The following SEC24D variants were observed in gnomAD, a reference collection of about 807,000 sequenced individuals.
SEC24D encodes protein transport protein Sec24D.
A neutral mutation model predicts 116.9 loss-of-function variants in SEC24D; 69 were observed. The observed-to-expected ratio is 0.59, with a 90% confidence interval of 0.49 to 0.72. SEC24D has a LOEUF of 0.72. SEC24D is among the 30% of genes least tolerant of loss of function. The probability of loss-of-function intolerance (pLI) is 0.00; values close to 1 mark genes in which losing one functional copy is unlikely to be tolerated. For missense variants in SEC24D, 1,131 were observed against 1,264.1 expected (o/e 0.89, Z 1.60); for synonymous variants, 405 against 442.8 (o/e 0.91, Z 1.07).
intron 15 of SEC24D, among the ~76,000 whole-genome samples, chr4:118,742,720 A>G (rs1224171067): frequency 5.3e-5 from 8 of 152,306 alleles, no homozygotes; most frequent in Admixed American, 2.6e-4. Context: ...TTTGTCATTT[A>G]TGTTGGAGAA....
At chr4:118,826,821 A>G (rs1730610015) in intron 2 of SEC24D, among the ~76,000 whole-genome samples, 1 of 152,118 alleles carries the variant, frequency 6.6e-6, no homozygotes, top group African/African-American at 2.4e-5. Context: ...AATCAACTCT[A>G]TGGCAGTGAT....
At position 118,749,591 on chromosome 4, in the gene SEC24D, A is replaced by G. The variant is rs114862632; in HGVS notation, c.1707+2405T>C. On this transcript the variant is annotated intron_variant, in intron 13 of 22. Transcript: ENST00000280551. Reference sequence around the variant, plus strand: ...GACTCTCATCTCTGGTCTTCCGGGCAGAATATCCTGAGTTATCTGGCTGAC... The same window carrying G: ...GACTCTCATCTCTGGTCTTCCGGGCGGAATATCCTGAGTTATCTGGCTGAC... Among the ~76,000 whole-genome samples the G allele has an allele frequency of 6.5e-3, 994 of 152,296 alleles. 11 individuals carry two copies. The highest frequency in any genetic ancestry group is 0.023 in the African/African-American group (939 of 41,562).
intron 1 of SEC24D, among the ~76,000 whole-genome samples, chr4:118,835,124 C>G (rs35748313): frequency 0.16 from 23,951 of 152,138 alleles, 1,983 homozygotes; most frequent in Non-Finnish European, 0.18. Flanking sequence ...GCAGCCTGAG[C>G]GCTGGTCAAG....
intron 8 of SEC24D, among the ~76,000 whole-genome samples, chr4:118,792,269 G>C (rs1728955400): frequency 6.6e-6 from 1 of 150,692 alleles, no homozygotes; most frequent in Non-Finnish European, 1.5e-5. Flanking sequence ...CGTCCGGGAG[G>C]TGGGGGGCAG....
intron 6 of SEC24D, among the ~76,000 whole-genome samples, chr4:118,809,562 G>A (rs1254728636): frequency 6.6e-6 from 1 of 152,174 alleles, no homozygotes; most frequent in African/African-American, 2.4e-5. Flanking sequence ...TTAGTTTTAA[G>A]ATAAAAATAA....
intron 8 of SEC24D, among the ~76,000 whole-genome samples, chr4:118,781,990 T>C (rs968211941): frequency 1.3e-5 from 2 of 152,170 alleles, no homozygotes; most frequent in African/African-American, 4.8e-5. Context: ...TCGTCTAATG[T>C]TTTTTCAAGG....
At chr4:118,782,862 C>T (rs951388472) in intron 8 of SEC24D, among the ~76,000 whole-genome samples, 2 of 152,224 alleles carry the variant, frequency 1.3e-5, no homozygotes, top group African/African-American at 2.4e-5. Context: ...TCTCAGACTG[C>T]TGCACTAGCC....
At position 118,776,272 on chromosome 4, in the gene SEC24D, T is replaced by A. The variant is rs115574240; in HGVS notation, c.1042-7961A>T. Among the ~76,000 whole-genome samples, 469 of 152,218 alleles carry A rather than the reference T, an allele frequency of 3.1e-3. 1 individual carries two copies. Among genetic ancestry groups the A allele is most frequent in the African/African-American group, 0.011 (445 of 41,548 alleles). Reference sequence around the variant, plus strand: ...ATTCCAAAATATACACTGATAACTATACTAGGAGATTCGTCTCTTGGAATG... The same window carrying A: ...ATTCCAAAATATACACTGATAACTAAACTAGGAGATTCGTCTCTTGGAATG... On this transcript the variant is annotated intron_variant, in intron 8 of 22. Coordinates refer to ENST00000280551, the MANE Select transcript of SEC24D (RefSeq NM_014822.4).
At chr4:118,800,039 C>T (rs1051787604) in intron 7 of SEC24D, among the ~76,000 whole-genome samples, 4 of 151,970 alleles carry the variant, frequency 2.6e-5, no homozygotes, top group Non-Finnish European at 5.9e-5. Flanking sequence ...TTGAGTGGTG[C>T]ACAGGGAGAG....
At chr4:118,822,253 A>C (rs1381012384) in intron 3 of SEC24D, among the ~76,000 whole-genome samples, 1 of 152,238 alleles carries the variant, frequency 6.6e-6, no homozygotes, top group Admixed American at 6.5e-5. Flanking sequence ...CACAGAGGTT[A>C]GGTAACTTAT....
At chr4:118,813,453 T>C (rs912055884) in intron 6 of SEC24D, among the ~76,000 whole-genome samples, 1 of 152,232 alleles carries the variant, frequency 6.6e-6, no homozygotes, top group Admixed American at 6.5e-5. Flanking sequence ...GACAGCCTTC[T>C]TCTGGTGGAG....
At position 118,723,656 on chromosome 4, in the gene SEC24D, CT is replaced by C. The variant is rs1725259254; in HGVS notation, c.2959-2del. 1 of 1,593,878 alleles carries C rather than the reference CT, an allele frequency of 6.3e-7. No individual in the cohort carries two copies. Among genetic ancestry groups the C allele is most frequent in the Non-Finnish European group, 8.5e-7 (1 of 1,174,234 alleles). On this transcript the variant is annotated splice_acceptor_variant, in intron 22 of 22. Transcript: ENST00000280551. LOFTEE classifies it high-confidence loss of function. ...GTTCTCGCTGCTTTACAATTGTGAG[CT>C]AGGAAAAAAAAAACAAAACAGTAAC...
At chr4:118,807,796 T>C (rs1211231342) in intron 6 of SEC24D, among the ~76,000 whole-genome samples, 4 of 152,188 alleles carry the variant, frequency 2.6e-5, no homozygotes, top group African/African-American at 9.7e-5. Context: ...TCATAGGATG[T>C]GAATTGTTAT....
intron 10 of SEC24D, among the ~76,000 whole-genome samples, chr4:118,760,057 C>G (rs529262604): frequency 1.3e-5 from 2 of 152,358 alleles, no homozygotes; most frequent in Non-Finnish European, 2.9e-5. Context: ...TTGTCCACCT[C>G]ACTTAGCATC....
intron 10 of SEC24D, chr4:118,760,735 T>C (rs1326515804): frequency 1.3e-5 from 2 of 151,916 alleles, no homozygotes; most frequent in African/African-American, 4.8e-5. Context: ...TTTAAAGAAG[T>C]CTCACACTGT....
chr4:118,768,176 C>A lies in SEC24D; in HGVS notation c.1177G>T (p.Asp393Tyr). ...YQCGFCNCVNDVPPFYFQHLD... is the reference protein window; with the variant it reads ...YQCGFCNCVNYVPPFYFQHLD... ...AGCTTTTAATGGCACTGCTTACCAT[C>A]ATTCACACAGTTGCAAAATCCACAC... is the stretch of plus-strand genomic sequence containing the variant. Residue 393 changes from aspartate (D) to tyrosine (Y), a missense_variant, in exon 9 of 23, where the codon GAT becomes TAT. By Grantham distance (160) the Asp-to-Tyr change is radical. Transcript: ENST00000280551. 4 of 1,612,836 alleles carry A rather than the reference C, an allele frequency of 2.5e-6. No homozygotes were observed. The highest frequency in any genetic ancestry group is 3.4e-6 in the Non-Finnish European group (4 of 1,179,370).
rs575443462 is a variant in SEC24D, at chr4:118,826,321, G to C, written c.119-1572C>G. ...TCAGAGCTTCAACTTGTAATCCCAT[G>C]TCATGGCAATAATATTCCCTAGCTC... On this transcript the variant is annotated intron_variant, in intron 2 of 22. Transcript: ENST00000280551. Among the ~76,000 whole-genome samples the C allele has an allele frequency of 4.6e-5, 7 of 152,218 alleles. No homozygotes were observed. The South Asian group carries it at 8.3e-4, about 18-fold the overall frequency.
chr4:118,735,511 T>C (rs1489700413), intron 19 of SEC24D, among the ~76,000 whole-genome samples: 2 of 152,278 alleles, frequency 1.3e-5, no homozygotes, highest in Non-Finnish European at 2.9e-5. Context: ...AATGAGGTTT[T>C]TTTTGTTTTT....
intron 8 of SEC24D, among the ~76,000 whole-genome samples, chr4:118,778,472 G>A (rs1728249633): frequency 6.6e-6 from 1 of 152,184 alleles, no homozygotes; most frequent in South Asian, 2.1e-4. Flanking sequence ...CTATATCTCT[G>A]TTTTGGTACC....
Sources: gnomAD v4.1 joint callset for allele counts (sites outside exome capture counted in the v4.1 genomes callset) on GRCh38, gnomAD v4.1.1 for gene constraint, MANE v1.5 for transcripts, NCBI Gene and HGNC (gene_info 2026-07-23, HGNC 2026-07-21) for gene names.